PRKACA: variants seen among roughly 807,000 people sequenced by gnomAD.
PRKACA encodes the protein protein kinase cAMP-activated catalytic subunit alpha.
A neutral mutation model predicts 45.8 loss-of-function variants in PRKACA; 9 were observed. The ratio of observed to expected loss-of-function variants is 0.20; its 90% confidence interval spans 0.12 to 0.34. The LOEUF (loss-of-function observed/expected upper bound fraction) is 0.34, where lower values mean the gene tolerates loss of function less well. PRKACA is among the 10% of genes least tolerant of loss of function. The pLI is 1.00. For missense variants in PRKACA, 238 were observed against 458.6 expected, an observed-to-expected ratio of 0.52 and a Z score of 4.39; for synonymous variants, 160 against 178.6, an observed-to-expected ratio of 0.90 and a Z score of 0.83.
At chr19:14,101,033 G>C in intron 4 of PRKACA, 125 bp from the exon 5 acceptor site, 1 of 810,942 alleles carries the variant, frequency 1.2e-6, no homozygotes, top group East Asian at 2.6e-5. Context: ...CTCCCTGTAG[G>C]AATCATGTTC....
At position 14,093,304 on chromosome 19, in the gene PRKACA, C is replaced by T. The variant is rs3729861; in HGVS notation, c.931-67G>A. 2.8e-5 allele frequency: 43 copies of T among 1,560,510 alleles called. 1 individual carries two copies. Among genetic ancestry groups the T allele is most frequent in the South Asian group, 2.8e-4 (24 of 87,200 alleles). ...ATAATCATTATTACAACAATAAATG[C>T]GAATGGCCTAACATTCAAGAGATAT... is the stretch of plus-strand genomic sequence containing the variant. On this transcript the variant is annotated intron_variant, in intron 9 of 9. Coordinates refer to ENST00000308677, the MANE Select transcript of PRKACA (RefSeq NM_002730.4).
At chr19:14,103,692 G>A (rs1977511789) in intron 3 of PRKACA, among the ~76,000 whole-genome samples, 1 of 152,190 alleles carries the variant, frequency 6.6e-6, no homozygotes, top group South Asian at 2.1e-4. Flanking sequence ...TAGCCACAGG[G>A]GGATGCTGGG....
At chr19:14,117,467 A>C in intron 1 of PRKACA, 35 bp downstream of exon 1, 1 of 1,258,084 alleles carries the variant, frequency 7.9e-7, no homozygotes, top group Non-Finnish European at 1.0e-6. Flanking sequence ...CTGGCAGCGC[A>C]GGGCCAAGAT....
intron 1 of PRKACA, chr19:14,114,194 C>T: frequency 6.2e-7 from 1 of 1,604,220 alleles, no homozygotes; most frequent in Non-Finnish European, 8.5e-7. Flanking sequence ...ACTACGGTGG[C>T]TGGGAAGGCT....
chr19:14,108,258 G>T, intron 1 of PRKACA: 1 of 631,630 alleles, frequency 1.6e-6, no homozygotes, highest in Non-Finnish European at 2.0e-6. Flanking sequence ...ACCTCTCTAG[G>T]CCTCAGTTTT....
intron 1 of PRKACA, among the ~76,000 whole-genome samples, chr19:14,114,734 T>C (rs1469150476): frequency 6.6e-6 from 1 of 152,180 alleles, no homozygotes; most frequent in East Asian, 1.9e-4. Context: ...TCTTTTTTCT[T>C]GGCCCTCTCA....
At position 14,102,851 on chromosome 19, in the gene PRKACA, A is replaced by G. The variant is rs1415073408; in HGVS notation, c.301T>C (p.Phe101Leu). ...AACTCGAGTTTGACGAGGAACGGAAAGTTGACAGCTTGCAGGATGCGCTTT... is the reference window on the plus strand; with the variant it reads ...AACTCGAGTTTGACGAGGAACGGAAGGTTGACAGCTTGCAGGATGCGCTTT... ...NEKRILQAVN[F>L]PFLVKLEFSF... is the part of the protein sequence containing the mutation. Residue 101 changes from phenylalanine (F) to leucine (L), a missense_variant, in exon 4 of 10, where the codon TTT (phenylalanine) becomes CTT (leucine). Around this residue, in one of 3 missense-constraint regions of PRKACA, gnomAD observed 93 missense variants for 149.1 expected, o/e 0.62. Coordinates refer to ENST00000308677, the MANE Select transcript of PRKACA (RefSeq NM_002730.4). 6.2e-7 allele frequency: 1 copy of G among 1,614,182 alleles called. No homozygotes were observed. Among genetic ancestry groups the G allele is most frequent in the Non-Finnish European group, 8.5e-7 (1 of 1,180,030 alleles).
In PRKACA at chr19:14,097,931, C is replaced by T. The variant is rs1051670686; in HGVS notation, c.420-41G>A. ...GGGGAGGTGAACGTCAGTGGTCATG[C>T]CCCAAAATGGTCCAGCAGGTGGCCC... On this transcript the variant is annotated intron_variant, in intron 5 of 9. Transcript: ENST00000308677. This position sits in a 1 kb window ranked among gnomAD's most constrained non-coding sequence, Gnocchi z 5.4. 1.2e-5 allele frequency: 19 copies of T among 1,610,424 alleles called. No individual in the cohort carries two copies. The East Asian group carries it at 1.3e-4, about 11-fold the overall frequency.
Position 14,097,031 on chromosome 19 carries a change from G to A in PRKACA, c.765+330C>T, listed in dbSNP as rs1469792897. Reference sequence around the variant, plus strand: ...CCAAATACATTCGTTTTTCTGCCTTGGAATTTGCGAAAACTCACACTAACT... The same window carrying A: ...CCAAATACATTCGTTTTTCTGCCTTAGAATTTGCGAAAACTCACACTAACT... On this transcript the variant is annotated intron_variant, in intron 8 of 9. Coordinates refer to ENST00000308677, the MANE Select transcript of PRKACA (RefSeq NM_002730.4). The surrounding 1 kb of genome is among the most constrained non-coding windows in gnomAD (Gnocchi z 5.4). The A allele has an allele frequency of 8.0e-6, 3 of 376,314 alleles. No individual in the cohort carries two copies. The highest frequency in any genetic ancestry group is 1.5e-5 in the Non-Finnish European group (3 of 195,518). 23.3% of individuals were successfully genotyped at this position (376,314 alleles called of 1,614,324 possible). A position where few individuals can be genotyped will look rare whatever the true frequency, so the allele number is the denominator to read the frequency against.
At position 14,093,158 on chromosome 19, in the gene PRKACA, C is replaced by T. The variant is rs377316394; in HGVS notation, c.1010G>A (p.Arg337Gln). Residue 337 changes from arginine (R) to glutamine (Q), a missense_variant, in exon 10 of 10, where the codon CGG becomes CAG. Arg to Gln is a conservative substitution (Grantham distance 43). Coordinates refer to ENST00000308677, the MANE Select transcript of PRKACA (RefSeq NM_002730.4). ...GCCACACTTCTCATTGATGGAGACC[C>T]GGATTTCTTCTTCCTCATAGTCGTC... ...NFDDYEEEEI[R>Q]VSINEKCGKE... The T allele has an allele frequency of 3.7e-6, 6 of 1,613,694 alleles. No homozygotes were observed. The highest frequency in any genetic ancestry group is 3.3e-5 in the Admixed American group (2 of 59,940).
chr19:14,109,807 G>A (rs1307216849), intron 1 of PRKACA, among the ~76,000 whole-genome samples: 1 of 147,916 alleles, frequency 6.8e-6, no homozygotes, highest in Non-Finnish European at 1.5e-5. Flanking sequence ...GCACGGTGGC[G>A]CATGCCTGTA....
intron 9 of PRKACA, 61 bp downstream of exon 9, chr19:14,093,567 G>A: frequency 6.5e-7 from 1 of 1,546,544 alleles, no homozygotes; most frequent in Non-Finnish European, 8.8e-7. Context: ...TCTATTGGCT[G>A]TCCTCCCTGA....
chr19:14,096,347 GTTTGTTTTTTTTT>G (rs990442328), intron 8 of PRKACA: 27 of 136,128 alleles, frequency 2.0e-4, no homozygotes, highest in African/African-American at 7.7e-4. Flanking sequence ...CGCCCGGCCA[GTTTGTTTTTTTTT>G]TTTTTTTTTT....
At chr19:14,095,867 G>C (rs911384251) in intron 8 of PRKACA, among the ~76,000 whole-genome samples, 1 of 151,586 alleles carries the variant, frequency 6.6e-6, no homozygotes, top group African/African-American at 2.4e-5. Context: ...CACCCCACTT[G>C]CCTGAATTTT....
Position 14,104,621 on chromosome 19 carries a change from G to A in PRKACA, c.238-1707C>T, listed in dbSNP as rs187492242. Among the ~76,000 whole-genome samples, 1,426 of 150,882 alleles carry A rather than the reference G, an allele frequency of 9.5e-3. 20 individuals are homozygous for A. The highest frequency in any genetic ancestry group is 0.033 in the African/African-American group (1,349 of 41,086). On this transcript the variant is annotated intron_variant, in intron 3 of 9. Coordinates refer to ENST00000308677, the MANE Select transcript of PRKACA (RefSeq NM_002730.4). Reference sequence around the variant, plus strand: ...TGAGGCAGAAGAATGGCGTGAACCCGGGAGGCAGAGGTTGCAGTGAGCCAA... The same window carrying A: ...TGAGGCAGAAGAATGGCGTGAACCCAGGAGGCAGAGGTTGCAGTGAGCCAA...
chr19:14,107,849 G>C (rs1977659528), intron 1 of PRKACA: 5 of 994,368 alleles, frequency 5.0e-6, no homozygotes, highest in Non-Finnish European at 6.0e-6. Context: ...CCCTTGGGGG[G>C]CTCAGCTGTC....
chr19:14,098,425 T>C (rs980483088), intron 5 of PRKACA: 3 of 159,658 alleles, frequency 1.9e-5, no homozygotes, highest in African/African-American at 4.8e-5. Flanking sequence ...CTGGGCAATA[T>C]AGGCAAGACC....
At position 14,107,361 on chromosome 19, in the gene PRKACA, T is replaced by G. The variant is rs760954437; in HGVS notation, c.95A>C (p.Glu32Ala). Residue 32 changes from glutamate to alanine, a missense_variant, in exon 2 of 10, where the codon GAA (glutamate) becomes GCA (alanine). By Grantham distance (107) the Glu-to-Ala change is moderately radical (BLOSUM62 -1). Coordinates refer to ENST00000308677, the MANE Select transcript of PRKACA (RefSeq NM_002730.4). ...KAKEDFLKKWESPAQNTAHLD... is the reference protein window; with the variant it reads ...KAKEDFLKKWASPAQNTAHLD... ...CGGCAGCCTTACCTGAGCGGGACTTTCCCATTTTTTAAGAAAATCTTCTTT... is the reference window on the plus strand; with the variant it reads ...CGGCAGCCTTACCTGAGCGGGACTTGCCCATTTTTTAAGAAAATCTTCTTT... The G allele has an allele frequency of 6.2e-7, 1 of 1,614,130 alleles. No homozygotes were observed. The highest frequency in any genetic ancestry group is 8.5e-7 in the Non-Finnish European group (1 of 1,179,998).
chr19:14,092,978 G>A lies in PRKACA; in HGVS notation c.*134C>T. 2.5e-6 allele frequency: 3 copies of A among 1,191,340 alleles called. No individual in the cohort carries two copies. The highest frequency in any genetic ancestry group is 3.5e-5 in the South Asian group (2 of 57,632). The allele number at this position is 1,191,340 out of a possible 1,614,324, so 73.8% of individuals were successfully genotyped here. Reference sequence around the variant, plus strand: ...TGGGCTTCCTGCTCCCCCTAACCCTGGAGGGTGGGGTGGGGGTGAAATTAG... The same window carrying A: ...TGGGCTTCCTGCTCCCCCTAACCCTAGAGGGTGGGGTGGGGGTGAAATTAG... On this transcript the variant is annotated 3_prime_UTR_variant, in exon 10 of 10. Coordinates refer to ENST00000308677, the MANE Select transcript of PRKACA (RefSeq NM_002730.4).
Sources: gnomAD v4.1 joint callset for allele counts (sites outside exome capture counted in the v4.1 genomes callset) on GRCh38, gnomAD v4.1.1 for gene constraint, gnomAD v4.1.1 regional missense constraint, Gnocchi (gnomAD v3.1) non-coding constraint, MANE v1.5 for transcripts, NCBI Gene and HGNC (gene_info 2026-07-23, HGNC 2026-07-21) for gene names.